MALL: variants seen among roughly 807,000 people sequenced by gnomAD.
MALL encodes the protein mal, T cell differentiation protein like, also known as MAL-like protein.
A neutral mutation model predicts 10.3 loss-of-function variants in MALL; 2 were observed. The ratio of observed to expected loss-of-function variants is 0.19; its 90% CI spans 0.08 to 0.61. MALL has a LOEUF of 0.61. Ranked by LOEUF, MALL falls within the 20% of genes least tolerant of loss-of-function variation. The probability of loss-of-function intolerance (pLI) is 0.88; values close to 1 mark genes in which losing one functional copy is unlikely to be tolerated. For synonymous variants in MALL, 27 were observed against 51.8 expected (o/e 0.52, Z 2.05); for missense variants, 39 against 115.2 (o/e 0.34, Z 3.03).
intron 1 of MALL, among the ~76,000 whole-genome samples, chr2:110,110,456 C>T (rs964509301): frequency 6.6e-6 from 1 of 152,010 alleles, no homozygotes; most frequent in African/African-American, 2.4e-5. Flanking sequence ...CACACATAAA[C>T]TAGAAAACCT....
In MALL at chr2:110,113,204, G is replaced by C. The variant is rs913270565; in HGVS notation, c.105+2484C>G. Among the ~76,000 whole-genome samples, 76 of 151,580 alleles carry C rather than the reference G, an allele frequency of 5.0e-4. 1 individual carries two copies. Among genetic ancestry groups the C allele is most frequent in the African/African-American group, 1.7e-3 (71 of 41,408 alleles). ...TGTAATCTCAGCACTTTGGGAGGCC[G>C]AGGCAGGCGGATCACGAGGTCAGGA... On this transcript the variant is annotated intron_variant, in intron 1 of 3. Transcript: ENST00000272462.
chr2:110,101,568 C>T (rs1158826058), intron 1 of MALL, among the ~76,000 whole-genome samples: 1 of 152,098 alleles, frequency 6.6e-6, no homozygotes, highest in Non-Finnish European at 1.5e-5. Context: ...CTCATAAGCA[C>T]TCACTGAATG....
At chr2:110,097,107 AAG>A (rs386390887) in intron 1 of MALL, among the ~76,000 whole-genome samples, 3 of 151,710 alleles carry the variant, frequency 2.0e-5, no homozygotes, top group Non-Finnish European at 4.4e-5. Flanking sequence ...AAAAAAAAAA[AAG>A]AGAGAGAAAA....
chr2:110,113,880 C>A (rs1002838095), intron 1 of MALL, among the ~76,000 whole-genome samples: 4 of 152,144 alleles, frequency 2.6e-5, no homozygotes, highest in Non-Finnish European at 5.9e-5. Flanking sequence ...ACTTTCTCTA[C>A]TATTATTGCA....
chr2:110,111,887 A>G (rs568501745), intron 1 of MALL, among the ~76,000 whole-genome samples: 2 of 152,328 alleles, frequency 1.3e-5, no homozygotes, highest in South Asian at 2.1e-4. Flanking sequence ...AAATAGGCAC[A>G]TAGACCAACG....
Position 110,115,818 on chromosome 2 carries a change from G to A in MALL, c.-26C>T, listed in dbSNP as rs757652549. 9 of 1,120,982 alleles carry A rather than the reference G, an allele frequency of 8.0e-6. No homozygotes were observed. Among genetic ancestry groups the A allele is most frequent in the Non-Finnish European group, 1.0e-5 (9 of 873,090 alleles). 69.4% of individuals were successfully genotyped at this position (1,120,982 alleles called of 1,614,324 possible). On this transcript the variant is annotated 5_prime_UTR_variant, in exon 1 of 4. Coordinates refer to ENST00000272462, the MANE Select transcript of MALL (RefSeq NM_005434.5). Reference sequence around the variant, plus strand: ...GCTGTCAGCCCCTGCCGGGTGCTCCGCGGCAGCTCGCCCGCGCGCAGCCTG... The same window carrying A: ...GCTGTCAGCCCCTGCCGGGTGCTCCACGGCAGCTCGCCCGCGCGCAGCCTG...
At position 110,100,077 on chromosome 2, in the gene MALL, T is replaced by G. The variant is rs4953838; in HGVS notation, c.106-8307A>C. Among the ~76,000 whole-genome samples the G allele has an allele frequency of 2.0e-5, 3 of 151,822 alleles. No individual in the cohort carries two copies. In the South Asian group the frequency reaches 6.2e-4, roughly 32 times the overall value. ...AGGACACCCACCCTCACCTTTATGC[T>G]GGGCTCCCCAAGCCTCCACCACTTC... is the stretch of plus-strand genomic sequence containing the variant. On this transcript the variant is annotated intron_variant, in intron 1 of 3. Coordinates refer to ENST00000272462, the MANE Select transcript of MALL (RefSeq NM_005434.5).
chr2:110,096,380 G>A (rs1345219380), intron 1 of MALL, among the ~76,000 whole-genome samples: 2 of 152,128 alleles, frequency 1.3e-5, no homozygotes, highest in Non-Finnish European at 2.9e-5. Flanking sequence ...GTGCCTCTGT[G>A]TGCCTATCTA....
At chr2:110,108,862 C>A (rs1297504828) in intron 1 of MALL, among the ~76,000 whole-genome samples, 1 of 152,188 alleles carries the variant, frequency 6.6e-6, no homozygotes, top group African/African-American at 2.4e-5. Context: ...ACCCTACAAC[C>A]TAGAAGAGAC....
At chr2:110,113,536 CT>C (rs556960077) in intron 1 of MALL, among the ~76,000 whole-genome samples, 1 of 147,292 alleles carries the variant, frequency 6.8e-6, no homozygotes, top group Non-Finnish European at 1.5e-5. Flanking sequence ...AAAGAACTTA[CT>C]AATGTAACCA....
intron 1 of MALL, among the ~76,000 whole-genome samples, chr2:110,098,049 C>A (rs949270577): frequency 6.6e-6 from 1 of 151,904 alleles, no homozygotes; most frequent in African/African-American, 2.4e-5. Flanking sequence ...CACATGCGGG[C>A]GTTGCCCACG....
chr2:110,114,443 T>G (rs1490054420), intron 1 of MALL, among the ~76,000 whole-genome samples: 2 of 151,848 alleles, frequency 1.3e-5, no homozygotes, highest in Admixed American at 1.3e-4. Flanking sequence ...CAGCCACCCA[T>G]GCAGCTGCTC....
intron 1 of MALL, among the ~76,000 whole-genome samples, chr2:110,115,093 A>G (rs1678879090): frequency 6.6e-6 from 1 of 152,082 alleles, no homozygotes; most frequent in South Asian, 2.1e-4. Context: ...GTTTTATGGC[A>G]GATGTTGCCA....
At chr2:110,117,418 C>T (rs1037017147), upstream of MALL, among the ~76,000 whole-genome samples, 22 of 152,090 alleles carry the variant, frequency 1.4e-4, no homozygotes, top group Non-Finnish European at 1.5e-5. Context: ...CAACCCATAA[C>T]CCCTTAGTCT....
At chr2:110,096,216 C>T (rs1423809150) in intron 1 of MALL, among the ~76,000 whole-genome samples, 1 of 152,062 alleles carries the variant, frequency 6.6e-6, no homozygotes, top group Non-Finnish European at 1.5e-5. Flanking sequence ...GTAAGGGAGG[C>T]TGCGTTGTTC....
At chr2:110,117,820 TAAAC>T (rs767542176), upstream of MALL, among the ~76,000 whole-genome samples, 9 of 152,008 alleles carry the variant, frequency 5.9e-5, no homozygotes, top group Non-Finnish European at 1.0e-4. Context: ...AAGGAAAGAA[TAAAC>T]AAACAAACAA....
rs577656576 is a variant in MALL, at chr2:110,111,295, G to A, written c.105+4393C>T. 1.1e-4 allele frequency among the ~76,000 whole-genome samples: 16 copies of A among 152,178 alleles called. 1 individual carries two copies. In the South Asian group the frequency reaches 3.1e-3, roughly 30 times the overall value. On this transcript the variant is annotated intron_variant, in intron 1 of 3. Transcript: ENST00000272462. ...AGTCAAACTGTCACTGTTTGCTGAC[G>A]ATATGATCGTTTAACTTGAAAACTC...
At chr2:110,093,040 ATCTG>A (rs1341242976) in intron 1 of MALL, among the ~76,000 whole-genome samples, 2 of 19,320 alleles carry the variant, frequency 1.0e-4, no homozygotes, top group Middle Eastern at 0.032. Flanking sequence ...CTTTGTAGGA[ATCTG>A]TCTTCCTTAT....
At chr2:110,117,310 T>C (rs1380622208), upstream of MALL, among the ~76,000 whole-genome samples, 1 of 151,254 alleles carries the variant, frequency 6.6e-6, no homozygotes, top group African/African-American at 2.5e-5. Context: ...TAGGATACCT[T>C]TGACTTGCCC....
Sources: gnomAD v4.1 joint callset for allele counts (sites outside exome capture counted in the v4.1 genomes callset) on GRCh38, gnomAD v4.1.1 for gene constraint, MANE v1.5 for transcripts, NCBI Gene and HGNC (gene_info 2026-07-23, HGNC 2026-07-21) for gene names.